Variants in HS3ST4 observed in about 807,000 individuals in gnomAD.
The protein encoded by HS3ST4 is heparan sulfate glucosamine 3-O-sulfotransferase 4.
HS3ST4 carries 17 observed loss-of-function variants against 29.2 expected under a neutral mutation model. The ratio of observed to expected loss-of-function variants is 0.58; its 90% CI spans 0.40 to 0.87. HS3ST4 has a LOEUF of 0.87. Ranked by LOEUF, HS3ST4 falls within the 40% of genes least tolerant of loss-of-function variation. The pLI is 0.00. For missense variants in HS3ST4, 627 were observed against 634.5 expected, an observed-to-expected ratio of 0.99 and a Z score of 0.13; for synonymous variants, 314 against 285.7, an observed-to-expected ratio of 1.10 and a Z score of -1.00.
intron 1 of HS3ST4, among the ~76,000 whole-genome samples, chr16:26,020,197 A>C (rs1969399581): frequency 6.6e-6 from 1 of 152,226 alleles, no homozygotes; most frequent in African/African-American, 2.4e-5. Context: ...GACAGTTGAC[A>C]GTGGGAACAG....
Position 25,987,322 on chromosome 16 carries a change from C to A in HS3ST4, c.735-148290C>A, listed in dbSNP as rs531210098. Among the ~76,000 whole-genome samples the A allele has an allele frequency of 2.9e-3, 440 of 151,382 alleles. 3 individuals are homozygous for A. The highest frequency in any genetic ancestry group is 0.01 in the African/African-American group (421 of 41,116). On this transcript the variant is annotated intron_variant, in intron 1 of 1. Transcript: ENST00000331351. ...TGAGATCACGCCATTGCAGTCCAGCCTGGGCAACAAGAGCAAAACTCCAAC... is the reference window on the plus strand; with the variant it reads ...TGAGATCACGCCATTGCAGTCCAGCATGGGCAACAAGAGCAAAACTCCAAC...
intron 1 of HS3ST4, among the ~76,000 whole-genome samples, chr16:25,897,730 C>T (rs1968082670): frequency 6.6e-6 from 1 of 152,082 alleles, no homozygotes; most frequent in Non-Finnish European, 1.5e-5. Context: ...GCCGTTCTGC[C>T]TGGGGGAGGT....
At position 25,720,805 on chromosome 16, in the gene HS3ST4, G is replaced by A. The variant is rs573839008; in HGVS notation, c.734+27654G>A. ...GAATGGAGTTTCTATTTAATGAAGA[G>A]GAGTAGTTTTAAGGGGAAAGATCAG... On this transcript the variant is annotated intron_variant, in intron 1 of 1. Transcript: ENST00000331351. 2.6e-5 allele frequency among the ~76,000 whole-genome samples: 4 copies of A among 152,298 alleles called. No homozygotes were observed. The South Asian group carries it at 8.3e-4, about 32-fold the overall frequency.
chr16:25,820,038 A>AAAAAAAAAAAAAAAAC (rs1967133596), intron 1 of HS3ST4, among the ~76,000 whole-genome samples: 1 of 122,278 alleles, frequency 8.2e-6, no homozygotes, highest in Non-Finnish European at 1.7e-5. Flanking sequence ...AAAAAAAAAA[A>AAAAAAAAAAAAAAAAC]AAAAAAAAAA....
At chr16:25,696,327 T>G (rs776853446) in intron 1 of HS3ST4, among the ~76,000 whole-genome samples, 1 of 152,174 alleles carries the variant, frequency 6.6e-6, no homozygotes, top group Non-Finnish European at 1.5e-5. Flanking sequence ...TTCTAAGGGA[T>G]GGGACCTCGG....
At chr16:25,909,456 C>T (rs141407044) in intron 1 of HS3ST4, among the ~76,000 whole-genome samples, 193 of 152,222 alleles carry the variant, frequency 1.3e-3, no homozygotes, top group Non-Finnish European at 2.4e-3. Context: ...GGATGATAGG[C>T]GTGATCCACC....
intron 1 of HS3ST4, among the ~76,000 whole-genome samples, chr16:25,901,481 G>C (rs1036131742): frequency 6.6e-6 from 1 of 152,148 alleles, no homozygotes; most frequent in Non-Finnish European, 1.5e-5. Context: ...GACCAGCCTG[G>C]CCAACATGGA....
chr16:25,710,180 T>A (rs1966406085), intron 1 of HS3ST4, among the ~76,000 whole-genome samples: 1 of 152,170 alleles, frequency 6.6e-6, no homozygotes, highest in South Asian at 2.1e-4. Flanking sequence ...GAAGAAAAAT[T>A]CCCTTGTCCA....
intron 1 of HS3ST4, among the ~76,000 whole-genome samples, chr16:26,060,219 A>G (rs939347233): frequency 3.3e-5 from 5 of 152,180 alleles, no homozygotes; most frequent in Non-Finnish European, 7.3e-5. Context: ...GCTTCCTAAG[A>G]CATGAGAGGA....
intron 1 of HS3ST4, among the ~76,000 whole-genome samples, chr16:25,870,979 A>G (rs1967745970): frequency 6.6e-6 from 1 of 152,216 alleles, no homozygotes; most frequent in Non-Finnish European, 1.5e-5. Context: ...CTAGTTGTTT[A>G]ATAGGATATT....
intron 1 of HS3ST4, among the ~76,000 whole-genome samples, chr16:25,968,465 T>A (rs1360738761): frequency 1.3e-5 from 2 of 152,164 alleles, no homozygotes; most frequent in Non-Finnish European, 2.9e-5. Flanking sequence ...GCCCCCATCA[T>A]TTGCTCTTAT....
intron 1 of HS3ST4, among the ~76,000 whole-genome samples, chr16:25,938,510 G>T (rs997220641): frequency 7.2e-5 from 11 of 151,972 alleles, no homozygotes; most frequent in African/African-American, 1.7e-4. Flanking sequence ...ATATTGGAAA[G>T]ATTGCTGCTG....
At chr16:26,026,130 A>T (rs1969469920) in intron 1 of HS3ST4, among the ~76,000 whole-genome samples, 1 of 151,954 alleles carries the variant, frequency 6.6e-6, no homozygotes, top group Non-Finnish European at 1.5e-5. Context: ...GCTGGTCTTG[A>T]TCTCTTGACC....
At chr16:26,109,392 C>T (rs1036061383) in intron 1 of HS3ST4, among the ~76,000 whole-genome samples, 4 of 152,148 alleles carry the variant, frequency 2.6e-5, no homozygotes, top group African/African-American at 9.7e-5. Flanking sequence ...GTGTGGTAGG[C>T]ATTATGCATT....
chr16:26,023,829 C>T (rs1245414987), intron 1 of HS3ST4, among the ~76,000 whole-genome samples: 3 of 152,066 alleles, frequency 2.0e-5, no homozygotes, highest in Non-Finnish European at 2.9e-5. Context: ...GAGTTTGCAC[C>T]CTGGCTTGTC....
chr16:25,696,353 T>C (rs1020538103), intron 1 of HS3ST4, among the ~76,000 whole-genome samples: 2 of 152,238 alleles, frequency 1.3e-5, no homozygotes, highest in African/African-American at 2.4e-5. Flanking sequence ...GCCAACTGGC[T>C]GCCAATGCAG....
At chr16:25,892,632 A>C (rs955510372) in intron 1 of HS3ST4, among the ~76,000 whole-genome samples, 7 of 152,214 alleles carry the variant, frequency 4.6e-5, no homozygotes, top group Non-Finnish European at 7.3e-5. Flanking sequence ...GCATACACTA[A>C]AAAGGAAATT....
chr16:25,883,145 A>ATTTT (rs10581302), intron 1 of HS3ST4, among the ~76,000 whole-genome samples: 1 of 142,060 alleles, frequency 7.0e-6, no homozygotes, highest in Non-Finnish European at 1.5e-5. Flanking sequence ...GGCCCATACG[A>ATTTT]TTTTTTTTTT....
chr16:25,769,708 A>G (rs1383708384), intron 1 of HS3ST4, among the ~76,000 whole-genome samples: 3 of 152,186 alleles, frequency 2.0e-5, no homozygotes, highest in African/African-American at 7.2e-5. Flanking sequence ...TACAGGCTGT[A>G]TTATATTCAT....
Sources: gnomAD v4.1 joint callset for allele counts (sites outside exome capture counted in the v4.1 genomes callset) on GRCh38, gnomAD v4.1.1 for gene constraint, MANE v1.5 for transcripts, NCBI Gene and HGNC (gene_info 2026-07-23, HGNC 2026-07-21) for gene names.